Variants in CROT observed in about 807,000 individuals in gnomAD.
The protein encoded by CROT is peroxisomal carnitine O-octanoyltransferase.
Under a neutral mutation model 89.2 loss-of-function variants are expected in CROT, and 84 were observed. That is an observed-to-expected ratio of 0.94 (90% CI 0.79 to 1.13). The LOEUF (loss-of-function observed/expected upper bound fraction) is 1.13. Among genes scored for constraint, CROT ranks in the 50% most tolerant of loss-of-function variants. CROT has a pLI of 0.00. For missense variants in CROT, 711 were observed against 727.8 expected (o/e 0.98, Z 0.27); for synonymous variants, 212 against 239.5 (o/e 0.89, Z 1.06).
At chr7:87,359,595 C>G (rs1806210036) in intron 4 of CROT, 1 of 1,198,250 alleles carries the variant, frequency 8.3e-7, no homozygotes, top group Non-Finnish European at 1.0e-6. Context: ...TTAACAATCA[C>G]TTCATGTGGT....
intron 10 of CROT, 34 bp downstream of exon 10, chr7:87,377,484 C>A: frequency 1.6e-6 from 2 of 1,223,232 alleles, no homozygotes; most frequent in Non-Finnish European, 2.4e-6. Context: ...CTCTTTTGAT[C>A]TTTTAGGTTA....
intron 4 of CROT, 107 bp downstream of exon 4, chr7:87,359,437 T>C (rs1217582796): frequency 2.7e-6 from 4 of 1,463,652 alleles, no homozygotes; most frequent in East Asian, 2.6e-5. Context: ...ACAGTTATTA[T>C]TGTTATTTTC....
chr7:87,364,456 T>C (rs1392021229), intron 6 of CROT, among the ~76,000 whole-genome samples: 1 of 152,148 alleles, frequency 6.6e-6, no homozygotes, highest in East Asian at 1.9e-4. Flanking sequence ...ATTGGATATG[T>C]AAACATGATG....
At chr7:87,376,327 C>T (rs926165343) in intron 9 of CROT, among the ~76,000 whole-genome samples, 5 of 152,168 alleles carry the variant, frequency 3.3e-5, no homozygotes, top group South Asian at 2.1e-4. Context: ...ACTAGTGTAT[C>T]TTGACACCAT....
chr7:87,372,162 T>C (rs527564274), intron 7 of CROT, among the ~76,000 whole-genome samples: 1 of 152,322 alleles, frequency 6.6e-6, no homozygotes, highest in African/African-American at 2.4e-5. Flanking sequence ...TGTGAGTTAC[T>C]TTTGCCTATT....
In CROT at chr7:87,369,448, A is replaced by G. The variant is rs138577783; in HGVS notation, c.620A>G (p.His207Arg). 2,487 of 1,613,068 alleles carry G rather than the reference A, an allele frequency of 1.5e-3. 4 individuals carry two copies. The highest frequency in any genetic ancestry group is 2.0e-3 in the Non-Finnish European group (2,327 of 1,179,440). The change falls in exon 7 of 18, where the codon CAT becomes CGT. Residue 207 changes from histidine (H) to arginine (R), a missense_variant. Physicochemically the swap from His to Arg is conservative, Grantham distance 29. Transcript: ENST00000331536. ...CGAGCTTTTGTCTTTGATGTAATACATGAAGGATGTTTGGTCACCCCGCCA... is the reference window on the plus strand; with the variant it reads ...CGAGCTTTTGTCTTTGATGTAATACGTGAAGGATGTTTGGTCACCCCGCCA... ...RGRAFVFDVI[H>R]EGCLVTPPEL...
At position 87,359,270 on chromosome 7, in the gene CROT, T is replaced by G; in HGVS notation, c.180T>G (p.Ser60Arg). ...KTEEIVQKFQ[S>R]GIGEKLHQKL... The stretch of plus-strand genomic sequence containing the variant: ...AAGAAATAGTTCAAAAATTTCAAAG[T>G]GGGATTGGAGAAAAATTGCACCAGA... Residue 60 changes from serine (S) to arginine (R), a missense_variant, in exon 4 of 18, where the codon AGT (serine) becomes AGG (arginine). Physicochemically the swap from Ser to Arg is moderately radical, Grantham distance 110. Coordinates refer to ENST00000331536, the MANE Select transcript of CROT (RefSeq NM_021151.4). 1 of 1,597,334 alleles carries G rather than the reference T, an allele frequency of 6.3e-7. No individual in the cohort carries two copies. Among genetic ancestry groups the G allele is most frequent in the Non-Finnish European group, 8.6e-7 (1 of 1,166,764 alleles).
At chr7:87,373,209 C>A (rs757616609) in intron 7 of CROT, among the ~76,000 whole-genome samples, 2 of 152,092 alleles carry the variant, frequency 1.3e-5, no homozygotes, top group Non-Finnish European at 2.9e-5. Flanking sequence ...GATTTTTTCA[C>A]ATGCATTTTG....
chr7:87,348,504 A>G (rs1293791691), intron 2 of CROT, among the ~76,000 whole-genome samples: 2 of 152,208 alleles, frequency 1.3e-5, no homozygotes, highest in Admixed American at 1.3e-4. Flanking sequence ...TTCTATATCA[A>G]TGCAATATCA....
chr7:87,356,363 C>CT (rs1201339812), intron 3 of CROT, among the ~76,000 whole-genome samples: 1 of 151,958 alleles, frequency 6.6e-6, no homozygotes, highest in Non-Finnish European at 1.5e-5. Flanking sequence ...TTTGTTTTGC[C>CT]TTTTCACATT....
chr7:87,378,640 C>T (rs1231897942), intron 10 of CROT, among the ~76,000 whole-genome samples: 1 of 152,190 alleles, frequency 6.6e-6, no homozygotes, highest in Non-Finnish European at 1.5e-5. Context: ...AGGAAATAGT[C>T]AGCTTCTTTG....
At chr7:87,369,032 A>G (rs1225783651) in intron 6 of CROT, among the ~76,000 whole-genome samples, 1 of 152,212 alleles carries the variant, frequency 6.6e-6, no homozygotes, top group African/African-American at 2.4e-5. Context: ...GTTAATTCAA[A>G]TGGCTGTCCT....
At chr7:87,357,618 A>G in intron 3 of CROT, 2 of 896,348 alleles carry the variant, frequency 2.2e-6, no homozygotes, top group Non-Finnish European at 3.6e-6. Context: ...GTGAGAAGAG[A>G]CAGCTTATTG....
intron 6 of CROT, among the ~76,000 whole-genome samples, chr7:87,364,485 G>A (rs917682164): frequency 6.6e-6 from 1 of 152,202 alleles, no homozygotes; most frequent in African/African-American, 2.4e-5. Flanking sequence ...GGTTGCCCTT[G>A]ACAAGAGCAG....
intron 6 of CROT, among the ~76,000 whole-genome samples, chr7:87,367,109 G>T (rs948403385): frequency 1.3e-5 from 2 of 152,202 alleles, no homozygotes; most frequent in African/African-American, 4.8e-5. Context: ...TAATATGTTA[G>T]GTTACATGGT....
At position 87,393,063 on chromosome 7, in the gene CROT, G is replaced by T; in HGVS notation, c.1714G>T (p.Asp572Tyr). The T allele has an allele frequency of 6.2e-7, 1 of 1,612,706 alleles. No individual in the cohort carries two copies. The highest frequency in any genetic ancestry group is 1.1e-5 in the South Asian group (1 of 90,758). The change falls in exon 17 of 18, where the codon GAC (aspartate) becomes TAC (tyrosine). Residue 572 changes from aspartate (D) to tyrosine (Y), a missense_variant. Physicochemically the swap from Asp to Tyr is radical, Grantham distance 160. Coordinates refer to ENST00000331536, the MANE Select transcript of CROT (RefSeq NM_021151.4). ...TGGATTTTTCTACCATATCAGAGAT[G>T]ACAGGTGAGGCTTCTCTTTTTTATT... ...GYGFFYHIRD[D>Y]RFVVACSAWK...
intron 2 of CROT, 122 bp from the exon 3 acceptor site, chr7:87,348,926 G>T: frequency 4.4e-6 from 2 of 457,184 alleles, no homozygotes; most frequent in Non-Finnish European, 8.0e-6. Flanking sequence ...ATAAAAGCTG[G>T]TACCAAGTCC....
chr7:87,364,927 T>C (rs1166207603), intron 6 of CROT, among the ~76,000 whole-genome samples: 2 of 152,128 alleles, frequency 1.3e-5, no homozygotes, highest in Middle Eastern at 3.2e-3. Flanking sequence ...CTGGGGTGGA[T>C]GATTTGAGGA....
Position 87,362,579 on chromosome 7 carries a change from G to A in CROT, c.547+727G>A, listed in dbSNP as rs113584855. 7.8e-3 allele frequency among the ~76,000 whole-genome samples: 1,184 copies of A among 151,958 alleles called. 18 individuals are homozygous for A. Among genetic ancestry groups the A allele is most frequent in the African/African-American group, 0.026 (1,063 of 41,456 alleles). On this transcript the variant is annotated intron_variant, in intron 6 of 17. Transcript: ENST00000331536. The stretch of plus-strand genomic sequence containing the variant: ...CAGAAGTGCTGAGATTACAGGCATG[G>A]GCCACCATGCCCGGCTTGGAGTCAC...
Sources: gnomAD v4.1 joint callset for allele counts (sites outside exome capture counted in the v4.1 genomes callset) on GRCh38, gnomAD v4.1.1 for gene constraint, MANE v1.5 for transcripts, NCBI Gene and HGNC (gene_info 2026-07-23, HGNC 2026-07-21) for gene names.